B3GALT1: variants seen among roughly 807,000 people sequenced by gnomAD.
The protein encoded by B3GALT1 is UDP-Gal:betaGlcNAc beta 1,3-galactosyltransferase, polypeptide 1.
In B3GALT1, 10 loss-of-function variants were observed where a neutral mutation model predicts 23.2. The observed-to-expected ratio is 0.43, with a 90% CI of 0.27 to 0.73. The LOEUF is 0.73. B3GALT1 is among the 30% of genes least tolerant of loss of function. The pLI, the probability that B3GALT1 is intolerant of heterozygous loss-of-function variation, is 0.21. For missense variants in B3GALT1, 299 were observed against 405.4 expected, an observed-to-expected ratio of 0.74 and a Z score of 2.25; for synonymous variants, 156 against 141.5, an observed-to-expected ratio of 1.10 and a Z score of -0.73.
At chr2:167,435,726 C>T (rs1025111690) in intron 1 of B3GALT1, among the ~76,000 whole-genome samples, 7 of 151,950 alleles carry the variant, frequency 4.6e-5, no homozygotes, top group Non-Finnish European at 7.4e-5. Context: ...AATCTATCAT[C>T]GTTAATTTTG....
intron 3 of B3GALT1, chr2:167,714,518 C>A (rs919329516): frequency 1.9e-6 from 3 of 1,611,546 alleles, no homozygotes; most frequent in African/African-American, 2.7e-5. Context: ...ATATGGCGAA[C>A]GCTCTCTGCC....
intron 2 of B3GALT1, among the ~76,000 whole-genome samples, chr2:167,579,329 T>G (rs1257722233): frequency 1.3e-5 from 2 of 151,942 alleles, no homozygotes; most frequent in Non-Finnish European, 2.9e-5. Flanking sequence ...TTTAAAATTT[T>G]TATAATAACC....
chr2:167,598,336 A>G (rs944552803), intron 2 of B3GALT1, among the ~76,000 whole-genome samples: 4 of 152,130 alleles, frequency 2.6e-5, no homozygotes, highest in African/African-American at 4.8e-5. Flanking sequence ...CATATTGCAT[A>G]ATATAGAATA....
At chr2:167,356,620 T>C (rs1212310818) in intron 1 of B3GALT1, among the ~76,000 whole-genome samples, 1 of 152,122 alleles carries the variant, frequency 6.6e-6, no homozygotes, top group East Asian at 1.9e-4. Flanking sequence ...AAGTTTTTGG[T>C]AATTTAAAGA....
intron 1 of B3GALT1, among the ~76,000 whole-genome samples, chr2:167,410,007 G>A (rs1698366233): frequency 6.6e-6 from 1 of 152,126 alleles, no homozygotes; most frequent in African/African-American, 2.4e-5. Flanking sequence ...ATTTACAATA[G>A]CAAAGACTTG....
intron 3 of B3GALT1, among the ~76,000 whole-genome samples, chr2:167,770,139 C>T (rs914236381): frequency 2.0e-5 from 3 of 152,034 alleles, no homozygotes; most frequent in East Asian, 3.9e-4. Flanking sequence ...CTGCGTCTCC[C>T]GCTGCCACCC....
At chr2:167,382,715 A>C (rs73021715) in intron 1 of B3GALT1, among the ~76,000 whole-genome samples, 2,665 of 152,266 alleles carry the variant, frequency 0.018, 85 homozygotes, top group African/African-American at 0.061. Flanking sequence ...GGTGAAATGA[A>C]GAGGTAGGGC....
At chr2:167,698,531 C>A (rs1686821702) in intron 3 of B3GALT1, among the ~76,000 whole-genome samples, 1 of 152,106 alleles carries the variant, frequency 6.6e-6, no homozygotes, top group Non-Finnish European at 1.5e-5. Flanking sequence ...AGGCAGGAAC[C>A]AAGCCGGAGA....
chr2:167,560,541 A>G (rs1341841638), intron 2 of B3GALT1, among the ~76,000 whole-genome samples: 8 of 152,246 alleles, frequency 5.3e-5, no homozygotes, highest in Non-Finnish European at 1.0e-4. Flanking sequence ...ACCCATCAGC[A>G]TGCTGTATTC....
At chr2:167,738,770 CCCTT>C (rs1255932665) in intron 3 of B3GALT1, among the ~76,000 whole-genome samples, 1 of 150,544 alleles carries the variant, frequency 6.6e-6, no homozygotes. Context: ...GTCAAACTCT[CCCTT>C]CTGATGTTCA....
intron 2 of B3GALT1, among the ~76,000 whole-genome samples, chr2:167,594,524 A>G (rs1451160274): frequency 6.6e-6 from 1 of 152,172 alleles, no homozygotes; most frequent in African/African-American, 2.4e-5. Flanking sequence ...CCTGTCAACA[A>G]CATTTTTTCC....
intron 1 of B3GALT1, among the ~76,000 whole-genome samples, chr2:167,345,256 A>C (rs967457736): frequency 5.3e-5 from 8 of 152,008 alleles, no homozygotes; most frequent in African/African-American, 1.9e-4. Flanking sequence ...ATAGATTCAA[A>C]CACTATAGGC....
At chr2:167,433,615 A>G (rs1396182143) in intron 1 of B3GALT1, among the ~76,000 whole-genome samples, 2 of 152,222 alleles carry the variant, frequency 1.3e-5, no homozygotes, top group African/African-American at 4.8e-5. Flanking sequence ...TTTAAAAGCA[A>G]TTAAGAGCAA....
intron 1 of B3GALT1, among the ~76,000 whole-genome samples, chr2:167,432,093 G>A (rs1698715408): frequency 6.6e-6 from 1 of 152,182 alleles, no homozygotes; most frequent in African/African-American, 2.4e-5. Flanking sequence ...TGAACTGTGA[G>A]GCTGATGAGG....
chr2:167,821,805 A>G (rs951667405), intron 4 of B3GALT1, among the ~76,000 whole-genome samples: 8 of 152,194 alleles, frequency 5.3e-5, no homozygotes, highest in African/African-American at 1.9e-4. Flanking sequence ...CCTTTATTGT[A>G]GTTTGGTAGC....
intron 2 of B3GALT1, among the ~76,000 whole-genome samples, chr2:167,571,612 A>T (rs770765247): frequency 4.6e-5 from 7 of 151,902 alleles, no homozygotes; most frequent in African/African-American, 7.2e-5. Context: ...TCAGTCACCC[A>T]GTTTATGGTT....
chr2:167,611,129 C>G (rs992406605), intron 2 of B3GALT1, among the ~76,000 whole-genome samples: 3 of 151,616 alleles, frequency 2.0e-5, no homozygotes, highest in Non-Finnish European at 4.4e-5. Context: ...CACCTGTACC[C>G]CTGAACCTAA....
At chr2:167,721,790 C>T (rs1329008991) in intron 3 of B3GALT1, among the ~76,000 whole-genome samples, 1 of 152,202 alleles carries the variant, frequency 6.6e-6, no homozygotes, top group Non-Finnish European at 1.5e-5. Context: ...CATCAGGCAG[C>T]AATGGCTCTG....
chr2:167,335,925 C>G (rs1469857862), intron 1 of B3GALT1, among the ~76,000 whole-genome samples: 2 of 152,074 alleles, frequency 1.3e-5, no homozygotes, highest in Non-Finnish European at 2.9e-5. Flanking sequence ...GATGGAATTC[C>G]TCTGGTTCAG....
Sources: allele counts gnomAD v4.1 joint callset (sites outside exome capture counted in the v4.1 genomes callset), GRCh38; gene constraint gnomAD v4.1.1; transcripts MANE v1.5; gene names NCBI Gene and HGNC (gene_info 2026-07-23, HGNC 2026-07-21).